The following NTM variants were observed in gnomAD, a reference collection of about 807,000 sequenced individuals.
NTM encodes IgLON family member 2.
A neutral mutation model predicts 42.1 loss-of-function variants in NTM; 13 were observed. The observed-to-expected ratio is 0.31, with a 90% CI of 0.20 to 0.49. The LOEUF (loss-of-function observed/expected upper bound fraction) is 0.49. NTM is among the 20% of genes least tolerant of loss of function. The pLI is 0.99. For missense variants in NTM, 373 were observed against 452.8 expected (o/e 0.82, Z 1.60); for synonymous variants, 187 against 179.2 (o/e 1.04, Z -0.35).
At chr11:132,315,816 G>A (rs2095413504) in intron 7 of NTM, among the ~76,000 whole-genome samples, 1 of 152,178 alleles carries the variant, frequency 6.6e-6, no homozygotes, top group Non-Finnish European at 1.5e-5. Context: ...CTGGGAAGGA[G>A]AAAGCCGCCC....
chr11:132,239,962 A>G (rs1474605455), intron 4 of NTM, among the ~76,000 whole-genome samples: 2 of 151,262 alleles, frequency 1.3e-5, no homozygotes, highest in Admixed American at 6.6e-5. Context: ...CATCCATCCA[A>G]CCACCCATCC....
intron 1 of NTM, chr11:131,773,933 A>C: frequency 1.2e-6 from 1 of 844,364 alleles, no homozygotes; most frequent in South Asian, 5.4e-5. Context: ...CTCACTGTAC[A>C]ATTCCCACAA....
intron 1 of NTM, among the ~76,000 whole-genome samples, chr11:131,465,470 A>C (rs955593299): frequency 2.6e-5 from 4 of 152,098 alleles, no homozygotes; most frequent in African/African-American, 4.8e-5. Flanking sequence ...CACTGGGAGA[A>C]GGTCATTCCT....
intron 1 of NTM, among the ~76,000 whole-genome samples, chr11:131,444,762 G>A (rs1193000767): frequency 6.6e-6 from 1 of 152,182 alleles, no homozygotes; most frequent in Non-Finnish European, 1.5e-5. Context: ...AGAAGTTGGG[G>A]TCAAGGATAC....
At position 131,899,460 on chromosome 11, in the gene NTM, A is replaced by AT. The variant is rs1387262132; in HGVS notation, c.83-12103dup. Among the ~76,000 whole-genome samples, 3 of 152,342 alleles carry AT rather than the reference A, an allele frequency of 2.0e-5. No homozygotes were observed. The East Asian group carries it at 5.8e-4, about 29-fold the overall frequency. On this transcript the variant is annotated intron_variant, in intron 1 of 8. Transcript: ENST00000683400. ...GGGGTGAGAGAAGGGCGAGATAAGC[A>AT]TAATTGAAGTATCCCCAGCCAGGCA...
chr11:131,587,808 T>C (rs1359690520), intron 1 of NTM, among the ~76,000 whole-genome samples: 1 of 152,060 alleles, frequency 6.6e-6, no homozygotes, highest in East Asian at 1.9e-4. Context: ...CAGAGAGAAT[T>C]ACAGTAGTTG....
chr11:131,562,354 C>T (rs954503254), intron 1 of NTM, among the ~76,000 whole-genome samples: 6 of 152,126 alleles, frequency 3.9e-5, no homozygotes, highest in Non-Finnish European at 5.9e-5. Flanking sequence ...GAATCAAATT[C>T]ATTATGTGAA....
At chr11:131,943,869 G>T (rs1467704164) in intron 2 of NTM, among the ~76,000 whole-genome samples, 1 of 151,820 alleles carries the variant, frequency 6.6e-6, no homozygotes, top group African/African-American at 2.4e-5. Context: ...AGCCCGAGTT[G>T]CTCTCTTAGA....
intron 2 of NTM, among the ~76,000 whole-genome samples, chr11:131,971,666 C>T (rs1241813968): frequency 1.3e-5 from 2 of 151,910 alleles, no homozygotes; most frequent in African/African-American, 4.8e-5. Context: ...GGTCCTTAAT[C>T]TTCTATCTAT....
intron 1 of NTM, among the ~76,000 whole-genome samples, chr11:131,666,832 G>A (rs1434778068): frequency 6.6e-6 from 1 of 152,184 alleles, no homozygotes; most frequent in Non-Finnish European, 1.5e-5. Context: ...ACCAGGGAGG[G>A]GGGCATTCTT....
intron 2 of NTM, among the ~76,000 whole-genome samples, chr11:132,100,454 G>T (rs1352522790): frequency 6.6e-6 from 1 of 152,190 alleles, no homozygotes; most frequent in African/African-American, 2.4e-5. Context: ...TTTGCATTAT[G>T]CAAGCCCCCT....
At chr11:131,500,571 ATATATATT>A (rs2046643781) in intron 1 of NTM, among the ~76,000 whole-genome samples, 1 of 85,328 alleles carries the variant, frequency 1.2e-5, no homozygotes, top group African/African-American at 4.1e-5. Flanking sequence ...ATATATATAT[ATATATATT>A]TTTTTTTTTT....
chr11:131,924,721 C>T (rs1242637779), intron 2 of NTM, among the ~76,000 whole-genome samples: 1 of 152,192 alleles, frequency 6.6e-6, no homozygotes, highest in Admixed American at 6.5e-5. Flanking sequence ...CCCCCACCCA[C>T]CAGCTGGCCA....
chr11:131,996,460 C>T (rs1380083408), intron 2 of NTM, among the ~76,000 whole-genome samples: 2 of 152,156 alleles, frequency 1.3e-5, no homozygotes, highest in Admixed American at 1.3e-4. Context: ...GTTCCCTCTA[C>T]CTGAAATTTC....
Position 131,370,707 on chromosome 11 carries a change from C to A in NTM, c.-100C>A. On this transcript the variant is annotated 5_prime_UTR_variant, in exon 1 of 9. Coordinates refer to ENST00000683400, the MANE Select transcript of NTM (RefSeq NM_001352005.2). ...CTTCAGCAAAACAGTGGATTTAAAT[C>A]TCCTTGCACAAGCTTGAGAGCAACA... The A allele has an allele frequency of 3.0e-6, 3 of 1,007,716 alleles. No homozygotes were observed. The highest frequency in any genetic ancestry group is 1.5e-5 in the South Asian group (1 of 64,744). The allele number at this position is 1,007,716 out of a possible 1,614,324, so 62.4% of individuals were successfully genotyped here.
chr11:131,781,240 G>A (rs1302982640), intron 1 of NTM, among the ~76,000 whole-genome samples: 1 of 151,672 alleles, frequency 6.6e-6, no homozygotes, highest in Admixed American at 6.6e-5. Flanking sequence ...ACACATTTGA[G>A]AATTTTTTTC....
intron 1 of NTM, among the ~76,000 whole-genome samples, chr11:131,845,608 C>T (rs555926451): frequency 3.4e-4 from 51 of 151,626 alleles, no homozygotes; most frequent in Admixed American, 1.3e-3. Context: ...GAGGCGAATC[C>T]ATTCACATTA....
At chr11:132,131,947 C>A (rs576053012) in intron 2 of NTM, among the ~76,000 whole-genome samples, 1 of 152,246 alleles carries the variant, frequency 6.6e-6, no homozygotes, top group Non-Finnish European at 1.5e-5. Context: ...AAATAACTAG[C>A]TCTTCTACAG....
chr11:132,286,912 C>A (rs2094261282), intron 4 of NTM, among the ~76,000 whole-genome samples: 2 of 152,238 alleles, frequency 1.3e-5, no homozygotes. Context: ...GCCTATTGAT[C>A]CTTCTTTGAA....
Sources: allele counts gnomAD v4.1 joint callset (sites outside exome capture counted in the v4.1 genomes callset), GRCh38; gene constraint gnomAD v4.1.1; transcripts MANE v1.5; gene names NCBI Gene and HGNC (gene_info 2026-07-23, HGNC 2026-07-21).